Variants in KAZN observed in about 807,000 individuals in gnomAD.
KAZN encodes the protein kazrin, periplakin interacting protein.
KAZN carries 40 observed loss-of-function variants against 87.4 expected under a neutral mutation model. That is an observed-to-expected ratio of 0.46 (90% CI 0.36 to 0.60). KAZN has a LOEUF of 0.60. Ranked by LOEUF, KAZN falls within the 20% of genes least tolerant of loss-of-function variation. The pLI is 0.00. For missense variants in KAZN, 898 were observed against 1,073.9 expected (o/e 0.84, Z 2.29); for synonymous variants, 466 against 458.3 (o/e 1.02, Z -0.22).
At chr1:13,980,120 G>A (rs1466108583) in intron 1 of KAZN, among the ~76,000 whole-genome samples, 1 of 151,890 alleles carries the variant, frequency 6.6e-6, no homozygotes, top group African/African-American at 2.4e-5. Context: ...GTAATCTCTA[G>A]GTTAACTGCT....
intron 1 of KAZN, among the ~76,000 whole-genome samples, chr1:14,075,442 C>T (rs942257151): frequency 6.6e-6 from 1 of 152,058 alleles, no homozygotes; most frequent in African/African-American, 2.4e-5. Context: ...ATTAATCTAC[C>T]TCAGCACACA....
intron 13 of KAZN, among the ~76,000 whole-genome samples, chr1:15,104,780 C>T (rs1416206961): frequency 2.0e-5 from 3 of 152,292 alleles, no homozygotes; most frequent in East Asian, 3.9e-4. Context: ...TTATTGAATA[C>T]TTCCTGTGTG....
rs535644763 is a variant in KAZN at position 14,661,668 on chromosome 1, G to A, written c.226+62445G>A. 1.7e-3 allele frequency among the ~76,000 whole-genome samples: 231 copies of A among 137,708 alleles called. 2 individuals are homozygous for A. Among genetic ancestry groups the A allele is most frequent in the African/African-American group, 5.7e-3 (218 of 37,934 alleles). 90.3% of individuals were successfully genotyped at this position (137,708 alleles called of 152,430 possible). A position where few individuals can be genotyped will look rare whatever the true frequency, so the allele number is the denominator to read the frequency against. On this transcript the variant is annotated intron_variant, in intron 1 of 14. Transcript: ENST00000376030. ...GCACTTTGGGATTGGGGGACGGGGG[G>A]GCGGGAGGGAGGGGAGGGAGGGGAT... is the stretch of plus-strand genomic sequence containing the variant.
intron 1 of KAZN, among the ~76,000 whole-genome samples, chr1:14,098,282 G>T (rs1488079575): frequency 6.6e-6 from 1 of 152,180 alleles, no homozygotes; most frequent in East Asian, 1.9e-4. Context: ...AAGAAGGTGG[G>T]GATGTGGTTA....
At chr1:14,513,616 T>A (rs1431927052) in intron 2 of KAZN, among the ~76,000 whole-genome samples, 1 of 152,154 alleles carries the variant, frequency 6.6e-6, no homozygotes, top group Non-Finnish European at 1.5e-5. Context: ...TGAGCTCTGA[T>A]TAACAAAAGA....
chr1:14,474,465 T>C (rs946383161), intron 2 of KAZN, among the ~76,000 whole-genome samples: 1 of 152,164 alleles, frequency 6.6e-6, no homozygotes, highest in African/African-American at 2.4e-5. Context: ...CAGGGTATAG[T>C]AGCAGTTGAA....
intron 1 of KAZN, among the ~76,000 whole-genome samples, chr1:14,078,468 G>A (rs1385241599): frequency 6.6e-6 from 1 of 152,218 alleles, no homozygotes; most frequent in Non-Finnish European, 1.5e-5. Flanking sequence ...GACCAAATCT[G>A]TCTTAGTCCA....
chr1:14,655,919 G>A (rs1638762680), intron 1 of KAZN, among the ~76,000 whole-genome samples: 1 of 152,160 alleles, frequency 6.6e-6, no homozygotes, highest in African/African-American at 2.4e-5. Context: ...AGAGAGCCCA[G>A]CAGTGGTGTG....
chr1:14,415,328 G>A (rs1490361399), intron 2 of KAZN, among the ~76,000 whole-genome samples: 1 of 152,206 alleles, frequency 6.6e-6, no homozygotes, highest in Non-Finnish European at 1.5e-5. Flanking sequence ...GGAAGAGGTT[G>A]AAGATGGAGA....
At chr1:14,732,898 C>T (rs899968361) in intron 1 of KAZN, among the ~76,000 whole-genome samples, 4 of 151,990 alleles carry the variant, frequency 2.6e-5, no homozygotes, top group African/African-American at 2.4e-5. Flanking sequence ...ACTCAGTGTT[C>T]GTTTCAAACT....
intron 1 of KAZN, among the ~76,000 whole-genome samples, chr1:13,946,510 T>C (rs560152216): frequency 6.6e-5 from 10 of 152,360 alleles, no homozygotes; most frequent in African/African-American, 2.4e-4. Flanking sequence ...ATTATGGTTA[T>C]ACTCACTGTA....
chr1:14,961,502 C>T (rs1663863889), intron 2 of KAZN, among the ~76,000 whole-genome samples: 1 of 152,156 alleles, frequency 6.6e-6, no homozygotes, highest in Non-Finnish European at 1.5e-5. Flanking sequence ...ATCCCTCTCT[C>T]CCGGGAGGCA....
At chr1:14,129,779 G>A (rs1201275189) in intron 1 of KAZN, among the ~76,000 whole-genome samples, 1 of 152,182 alleles carries the variant, frequency 6.6e-6, no homozygotes, top group East Asian at 1.9e-4. Context: ...GTGAGTGAGC[G>A]AGTGAGCGAG....
At chr1:14,294,119 C>T (rs969947197) in intron 2 of KAZN, among the ~76,000 whole-genome samples, 3 of 152,174 alleles carry the variant, frequency 2.0e-5, no homozygotes, top group African/African-American at 4.8e-5. Flanking sequence ...AACTTGGCCA[C>T]GGTCACACAA....
chr1:15,066,535 A>G lies in KAZN; in HGVS notation c.1222+782A>G. The G allele has an allele frequency of 1.0e-6, 1 of 985,408 alleles. No homozygotes were observed. Among genetic ancestry groups the G allele is most frequent in the Non-Finnish European group, 1.2e-6 (1 of 829,890 alleles). 61.0% of individuals were successfully genotyped at this position (985,408 alleles called of 1,614,324 possible). A position where few individuals can be genotyped will look rare whatever the true frequency, so the allele number is the denominator to read the frequency against. ...TTTTAAACGGCCTACCAGTTTTTAA[A>G]TTGCATTGCCGTTTCTTTCTTTATG... On this transcript the variant is annotated intron_variant, in intron 8 of 14. Transcript: ENST00000376030. The surrounding 1 kb of genome is among the most constrained non-coding windows in gnomAD (Gnocchi z 4.3).
At position 15,101,634 on chromosome 1, in the gene KAZN, A is replaced by T. The variant is rs1332391261; in HGVS notation, c.1639A>T (p.Asn547Tyr). Residue 547 changes from asparagine (N) to tyrosine (Y), a missense_variant, in exon 11 of 15, where the codon AAC (asparagine) becomes TAC (tyrosine). Asn to Tyr is a moderately radical substitution (Grantham distance 143, BLOSUM62 -2). Around this residue, in one of 3 missense-constraint regions of KAZN, gnomAD observed 521 missense variants for 689.4 expected, o/e 0.76. Transcript: ENST00000376030. ...GTCCCAGTACTCCCAGGCCTTTCAG[A>T]ACCACCTGGTTGATGGGCGGATGCT... is the stretch of plus-strand genomic sequence containing the variant. ...GLSQYSQAFQ[N>Y]HLVDGRMLNS... is the part of the protein sequence containing the mutation. 4 of 1,567,050 alleles carry T rather than the reference A, an allele frequency of 2.6e-6. No homozygotes were observed. The highest frequency in any genetic ancestry group is 3.5e-6 in the Non-Finnish European group (4 of 1,155,274).
At chr1:14,087,008 A>G (rs1480055823) in intron 1 of KAZN, among the ~76,000 whole-genome samples, 4 of 152,130 alleles carry the variant, frequency 2.6e-5, no homozygotes, top group Non-Finnish European at 4.4e-5. Context: ...TTGCTATTCT[A>G]AGTCCTTTGT....
rs566713106 is a variant in KAZN, at chr1:14,609,686, A to G, written c.226+10463A>G. On this transcript the variant is annotated intron_variant, in intron 1 of 14. Transcript: ENST00000376030. ...CAAGAAGGTTCCTGGGAAGCGCTAC[A>G]GTCTCTCTACCTAGACATCTCTTTG... Among the ~76,000 whole-genome samples the G allele has an allele frequency of 9.6e-4, 147 of 152,338 alleles. 1 individual carries two copies. Among genetic ancestry groups the G allele is most frequent in the Middle Eastern group, 6.8e-3 (2 of 294 alleles).
intron 1 of KAZN, among the ~76,000 whole-genome samples, chr1:14,733,100 G>A (rs1296476852): frequency 6.6e-6 from 1 of 152,152 alleles, no homozygotes; most frequent in African/African-American, 2.4e-5. Context: ...CAAGTGCGCT[G>A]AGTGTTTCTC....
Sources: allele counts gnomAD v4.1 joint callset (sites outside exome capture counted in the v4.1 genomes callset), GRCh38; gene constraint gnomAD v4.1.1; regional missense constraint gnomAD v4.1.1; non-coding constraint Gnocchi (gnomAD v3.1); transcripts MANE v1.5; gene names NCBI Gene and HGNC (gene_info 2026-07-23, HGNC 2026-07-21).